Variants in CCDC91 observed in about 807,000 individuals in gnomAD.
The protein encoded by CCDC91 is coiled-coil domain-containing protein 91.
A neutral mutation model predicts 63.2 loss-of-function variants in CCDC91; 48 were observed. That is an observed-to-expected ratio of 0.76 (90% CI 0.60 to 0.97). The LOEUF (loss-of-function observed/expected upper bound fraction) is 0.97, where lower values mean the gene tolerates loss of function less well. Ranked by LOEUF, CCDC91 falls within the 50% of genes least tolerant of loss-of-function variation. The pLI, the probability that CCDC91 is intolerant of heterozygous loss-of-function variation, is 0.00. For synonymous variants in CCDC91, 167 were observed against 165.8 expected, an observed-to-expected ratio of 1.01 and a Z score of -0.06; for missense variants, 500 against 494.6, an observed-to-expected ratio of 1.01 and a Z score of -0.10.
intron 11 of CCDC91, among the ~76,000 whole-genome samples, chr12:28,476,267 A>G (rs890395590): frequency 2.0e-5 from 3 of 152,162 alleles, no homozygotes; most frequent in African/African-American, 7.2e-5. Flanking sequence ...AATAACAACA[A>G]ACTGTCTCTC....
intron 1 of CCDC91, among the ~76,000 whole-genome samples, chr12:28,195,592 A>C (rs962914242): frequency 6.6e-6 from 1 of 152,182 alleles, no homozygotes; most frequent in Admixed American, 6.5e-5. Flanking sequence ...GTAGCGTTAT[A>C]GTGTATCTTG....
At chr12:28,364,934 A>G (rs1484482679) in intron 7 of CCDC91, among the ~76,000 whole-genome samples, 1 of 152,202 alleles carries the variant, frequency 6.6e-6, no homozygotes, top group Non-Finnish European at 1.5e-5. Flanking sequence ...TATCCAGTAT[A>G]TCTGATAATA....
At chr12:28,217,730 T>G (rs1381782576) in intron 1 of CCDC91, among the ~76,000 whole-genome samples, 1 of 152,010 alleles carries the variant, frequency 6.6e-6, no homozygotes. Flanking sequence ...TAAAACTCTA[T>G]GTAATCATTA....
rs4350150 is a variant in CCDC91 at position 28,201,466 on chromosome 12, G to T, written c.-15+10825G>T. On this transcript the variant is annotated intron_variant, in intron 1 of 12. Coordinates refer to ENST00000536442, the MANE Select transcript of CCDC91 (RefSeq NM_018318.5). ...AGAGACGCTCCTCACTTCCTAGATG[G>T]GATGGCGACTGGGAAGAGGCGCTCG... 2.7e-4 allele frequency among the ~76,000 whole-genome samples: 37 copies of T among 136,786 alleles called. 3 individuals are homozygous for T. In the East Asian group the frequency reaches 7.4e-3, roughly 27 times the overall value. 89.7% of individuals were successfully genotyped at this position (136,786 alleles called of 152,430 possible).
intron 11 of CCDC91, among the ~76,000 whole-genome samples, chr12:28,470,732 CACA>C (rs1300588075): frequency 3.9e-5 from 6 of 152,132 alleles, no homozygotes; most frequent in Non-Finnish European, 7.4e-5. Context: ...GTTACTTATA[CACA>C]ACAAGTACTA....
chr12:28,457,941 C>T (rs16932850), intron 11 of CCDC91, among the ~76,000 whole-genome samples: 58,058 of 151,808 alleles, frequency 0.38, 11,488 homozygotes, highest in Middle Eastern at 0.48. Context: ...CTCCAGTGCA[C>T]ACAGACACTC....
intron 12 of CCDC91, among the ~76,000 whole-genome samples, chr12:28,484,476 A>G (rs1303496802): frequency 6.6e-6 from 1 of 152,140 alleles, no homozygotes; most frequent in African/African-American, 2.4e-5. Flanking sequence ...TTTGCCATAC[A>G]TTTGTTAATT....
chr12:28,365,239 A>C (rs74731792), intron 7 of CCDC91, among the ~76,000 whole-genome samples: 1 of 152,118 alleles, frequency 6.6e-6, no homozygotes, highest in African/African-American at 2.4e-5. Context: ...TCTTAACCAA[A>C]TTTCTTCAAA....
chr12:28,237,235 TACACACACACACACAC>T (rs58134900), intron 1 of CCDC91, among the ~76,000 whole-genome samples: 1 of 143,024 alleles, frequency 7.0e-6, no homozygotes, highest in Non-Finnish European at 1.5e-5. Flanking sequence ...GTATTACACA[TACACACACACACACAC>T]ACACACACAC....
intron 8 of CCDC91, among the ~76,000 whole-genome samples, chr12:28,423,286 CT>C (rs1316450890): frequency 2.6e-5 from 4 of 152,078 alleles, no homozygotes; most frequent in African/African-American, 9.7e-5. Context: ...CTAAACTTAA[CT>C]TTTGAGGAGA....
In CCDC91 at chr12:28,278,542, C is replaced by T. The variant is rs529016983; in HGVS notation, c.109+19100C>T. Among the ~76,000 whole-genome samples the T allele has an allele frequency of 3.9e-4, 59 of 152,206 alleles. 1 individual carries two copies. The highest frequency in any genetic ancestry group is 1.4e-3 in the African/African-American group (59 of 41,550). On this transcript the variant is annotated intron_variant, in intron 3 of 12. Transcript: ENST00000536442. ...TTTCGCACTTAATAAAATCACTGTTCATCTAGGAGCATAAGCCAGATAACT... is the reference window on the plus strand; with the variant it reads ...TTTCGCACTTAATAAAATCACTGTTTATCTAGGAGCATAAGCCAGATAACT...
At chr12:28,540,703 T>G (rs1942567320) in intron 12 of CCDC91, among the ~76,000 whole-genome samples, 1 of 152,130 alleles carries the variant, frequency 6.6e-6, no homozygotes, top group Non-Finnish European at 1.5e-5. Flanking sequence ...CAATGGTACT[T>G]TGTCCTTATT....
chr12:28,457,533 A>G (rs1456058842), intron 11 of CCDC91, among the ~76,000 whole-genome samples: 2 of 150,608 alleles, frequency 1.3e-5, no homozygotes, highest in African/African-American at 4.9e-5. Flanking sequence ...CTGAGAAATG[A>G]AAAGGGAAAA....
chr12:28,531,557 C>T (rs1413174617), intron 12 of CCDC91, among the ~76,000 whole-genome samples: 1 of 152,142 alleles, frequency 6.6e-6, no homozygotes, highest in East Asian at 1.9e-4. Flanking sequence ...TACCATCACT[C>T]ATGTACTGAG....
chr12:28,439,684 T>C (rs1326260687), intron 8 of CCDC91, among the ~76,000 whole-genome samples: 1 of 151,980 alleles, frequency 6.6e-6, no homozygotes, highest in Non-Finnish European at 1.5e-5. Context: ...CAATATCTTT[T>C]GTGACTCACA....
chr12:28,436,890 C>G (rs1439688108), intron 8 of CCDC91, among the ~76,000 whole-genome samples: 3 of 151,748 alleles, frequency 2.0e-5, no homozygotes, highest in Non-Finnish European at 4.4e-5. Flanking sequence ...AAATGCCCAT[C>G]GCCTTATTAA....
intron 8 of CCDC91, among the ~76,000 whole-genome samples, chr12:28,444,689 G>A (rs774659280): frequency 1.3e-5 from 2 of 152,164 alleles, no homozygotes; most frequent in African/African-American, 2.4e-5. Flanking sequence ...AGAGTGGAGG[G>A]TAGGAGGAGG....
chr12:28,203,644 G>T (rs886887040), intron 1 of CCDC91, among the ~76,000 whole-genome samples: 1 of 152,170 alleles, frequency 6.6e-6, no homozygotes, highest in Non-Finnish European at 1.5e-5. Flanking sequence ...CTGCAGTATA[G>T]TTAGGAATTT....
intron 8 of CCDC91, among the ~76,000 whole-genome samples, chr12:28,429,180 T>C (rs966708327): frequency 6.6e-6 from 1 of 152,208 alleles, no homozygotes; most frequent in African/African-American, 2.4e-5. Context: ...AGGGGAGTTA[T>C]TTAATTAGTT....
Sources: gnomAD v4.1 joint callset for allele counts (sites outside exome capture counted in the v4.1 genomes callset) on GRCh38, gnomAD v4.1.1 for gene constraint, MANE v1.5 for transcripts, NCBI Gene and HGNC (gene_info 2026-07-23, HGNC 2026-07-21) for gene names.